Variants in LTBP4 observed in about 807,000 individuals in gnomAD.
The protein encoded by LTBP4 is latent transforming growth factor beta binding protein 4.
A neutral mutation model predicts 180.2 loss-of-function variants in LTBP4; 93 were observed. The observed-to-expected ratio is 0.52, with a 90% CI of 0.44 to 0.61. The LOEUF is 0.61. LTBP4 is among the 20% of genes least tolerant of loss of function. LTBP4 has a pLI of 0.00. For missense variants in LTBP4, 2,116 were observed against 2,256.5 expected, an observed-to-expected ratio of 0.94 and a Z score of 1.26; for synonymous variants, 947 against 934.5, an observed-to-expected ratio of 1.01 and a Z score of -0.24.
intron 1 of LTBP4, among the ~76,000 whole-genome samples, chr19:40,604,707 G>A (rs1411232986): frequency 2.0e-5 from 3 of 152,214 alleles, no homozygotes; most frequent in African/African-American, 7.2e-5. Context: ...GTAGCCCGAT[G>A]TGGTGCACGC....
Position 40,625,935 on chromosome 19 carries a change from C to T in LTBP4, c.3911C>T (p.Thr1304Ile). The T allele has an allele frequency of 6.2e-7, 1 of 1,606,356 alleles. No homozygotes were observed. Among genetic ancestry groups the T allele is most frequent in the Non-Finnish European group, 8.5e-7 (1 of 1,176,966 alleles). The change falls in exon 27 of 30, where the codon ACC becomes ATC. Residue 1304 changes from threonine (T) to isoleucine (I), a missense_variant. Thr to Ile is a moderately conservative substitution (Grantham distance 89). Around this residue, in one of 5 missense-constraint regions of LTBP4, gnomAD observed 488 missense variants for 458.8 expected, o/e 1.06. Coordinates refer to ENST00000396819, the MANE Select transcript of LTBP4 (RefSeq NM_001042545.2). ...CSHPRLDRQA[T>I]YTECCCLYGE... ...CACCCTCGGCTGGACCGTCAGGCCA[C>T]CTACACAGAGTGCTGCTGCCTGTAT... is the stretch of plus-strand genomic sequence containing the variant.
At chr19:40,598,627 G>T, upstream of LTBP4, 1 of 155,744 alleles carries the variant, frequency 6.4e-6, no homozygotes, top group Admixed American at 6.3e-5. Flanking sequence ...GGAAGGGCAA[G>T]AACGGGCTAG....
chr19:40,622,341 A>G lies in LTBP4; in HGVS notation c.3218-60A>G. ...TATGCCAGCCTCAGTTTCCCCATCT[A>G]TGATAGTGGCGGGGCTGGGGATTCA... On this transcript the variant is annotated intron_variant, in intron 22 of 29. Transcript: ENST00000396819. The surrounding 1 kb of genome is among the most constrained non-coding windows in gnomAD (Gnocchi z 5.1). 3.4e-6 allele frequency: 5 copies of G among 1,450,708 alleles called. No individual in the cohort carries two copies. The highest frequency in any genetic ancestry group is 2.7e-6 in the Non-Finnish European group (3 of 1,092,194). 89.9% of individuals were successfully genotyped at this position (1,450,708 alleles called of 1,614,324 possible).
At position 40,605,516 on chromosome 19, in the gene LTBP4, T is replaced by C; in HGVS notation, c.554T>C (p.Val185Ala). 1 of 1,609,130 alleles carries C rather than the reference T, an allele frequency of 6.2e-7. No homozygotes were observed. The highest frequency in any genetic ancestry group is 8.5e-7 in the Non-Finnish European group (1 of 1,178,576). Residue 185 changes from valine (V) to alanine (A), a missense_variant, in exon 3 of 30, where the codon GTG becomes GCG. By Grantham distance (64) the Val-to-Ala change is moderately conservative. Around this residue, in one of 5 missense-constraint regions of LTBP4, gnomAD observed 469 missense variants for 532.5 expected, o/e 0.88. Coordinates refer to ENST00000396819, the MANE Select transcript of LTBP4 (RefSeq NM_001042545.2). This position sits in a 1 kb window ranked among gnomAD's most constrained non-coding sequence, Gnocchi z 5.5. ...GPWEEADAEA[V>A]ARAEAAARAE... ...TGGGAGGAGGCGGACGCTGAGGCGG[T>C]GGCGCGGGCGGAAGCGGCGGCGCGG...
In LTBP4 at chr19:40,593,175, G is replaced by A. The variant is rs140587664; in HGVS notation, c.10G>A (p.Val4Ile). 29 of 1,613,852 alleles carry A rather than the reference G, an allele frequency of 1.8e-5. No homozygotes were observed. The African/African-American group carries it at 3.9e-4, about 22-fold the overall frequency. The change falls in exon 1 of 33, where the codon GTA (valine) becomes ATA (isoleucine). Residue 4 changes from valine to isoleucine, a missense_variant. Transcript: ENST00000204005. ...AGAATCTGGAACACAAATGGGAGAC[G>A]TAAAAGGTGAGTGCCTCTGAAACCG...
At chr19:40,617,050 G>A (rs1568410140) in intron 20 of LTBP4, 30 bp downstream of exon 20, 1 of 1,613,284 alleles carries the variant, frequency 6.2e-7, no homozygotes, top group Non-Finnish European at 8.5e-7. Flanking sequence ...CGGGTGAGAT[G>A]TGGAGATGGT....
Position 40,629,665 on chromosome 19 carries a change from G to A in LTBP4, c.*115G>A, listed in dbSNP as rs1025495182. 2.1e-5 allele frequency: 23 copies of A among 1,101,324 alleles called. No homozygotes were observed. The South Asian group carries it at 5.1e-4, about 24-fold the overall frequency. The allele number at this position is 1,101,324 out of a possible 1,614,324, so 68.2% of individuals were successfully genotyped here. A position where few individuals can be genotyped will look rare whatever the true frequency, so the allele number is the denominator to read the frequency against. ...GCCGCCCGCCTGGACCTGGAGAAGGGACCTACGGACGCCTGGAAGCTGCGA... is the reference window on the plus strand; with the variant it reads ...GCCGCCCGCCTGGACCTGGAGAAGGAACCTACGGACGCCTGGAAGCTGCGA... On this transcript the variant is annotated 3_prime_UTR_variant, in exon 30 of 30. Transcript: ENST00000396819. The surrounding 1 kb of genome is among the most constrained non-coding windows in gnomAD (Gnocchi z 4.5).
At position 40,621,132 on chromosome 19, in the gene LTBP4, G is replaced by A. The variant is rs559847187; in HGVS notation, c.3218-1269G>A. On this transcript the variant is annotated intron_variant, in intron 22 of 29. Transcript: ENST00000396819. ...AATTTTTTGTATTTTTAGTACAGACGGGGTTTCATCATATTGGTCAGGCTG... is the reference window on the plus strand; with the variant it reads ...AATTTTTTGTATTTTTAGTACAGACAGGGTTTCATCATATTGGTCAGGCTG... Among the ~76,000 whole-genome samples, 10 of 152,132 alleles carry A rather than the reference G, an allele frequency of 6.6e-5. No homozygotes were observed. The East Asian group carries it at 1.6e-3, about 24-fold the overall frequency.
At chr19:40,615,404 A>G (rs1262650885) in intron 19 of LTBP4, 2 of 152,230 alleles carry the variant, frequency 1.3e-5, no homozygotes, top group Non-Finnish European at 2.9e-5. Context: ...GAAATAAGTC[A>G]TATAAAAACC....
At chr19:40,625,252 TTATATATATA>T (rs71173663) in intron 26 of LTBP4, among the ~76,000 whole-genome samples, 36 of 43,992 alleles carry the variant, frequency 8.2e-4, no homozygotes, top group Non-Finnish European at 1.4e-3. Context: ...ATTTTTGTAT[TTATATATATA>T]TATATATATA....
rs757916071 is a variant in LTBP4 at position 40,613,091 on chromosome 19, C to G, written c.2326C>G (p.Pro776Ala). The change falls in exon 16 of 30, where the codon CCT becomes GCT. Residue 776 changes from proline (P) to alanine (A), a missense_variant. Physicochemically the swap from Pro to Ala is conservative, Grantham distance 27. Coordinates refer to ENST00000396819, the MANE Select transcript of LTBP4 (RefSeq NM_001042545.2). The surrounding 1 kb of genome is among the most constrained non-coding windows in gnomAD (Gnocchi z 5.0). Reference sequence around the variant, plus strand: ...TGTGGACGAATGCAGTTCGGGTGCCCCTCCCTGTGGTCCCCACGGCCACTG... The same window carrying G: ...TGTGGACGAATGCAGTTCGGGTGCCGCTCCCTGTGGTCCCCACGGCCACTG... ...TDVDECSSGA[P>A]PCGPHGHCTN... 51 of 1,611,256 alleles carry G rather than the reference C, an allele frequency of 3.2e-5. No individual in the cohort carries two copies. The highest frequency in any genetic ancestry group is 4.2e-5 in the Non-Finnish European group (50 of 1,178,854).
upstream of LTBP4, chr19:40,601,335 G>A (rs1011584115): frequency 7.0e-6 from 7 of 997,144 alleles, no homozygotes; most frequent in Non-Finnish European, 8.4e-6. Flanking sequence ...GGGTGCGGCC[G>A]GGCCCCTCGG....
At chr19:40,612,409 A>C (rs2081514548) in intron 15 of LTBP4, among the ~76,000 whole-genome samples, 1 of 151,746 alleles carries the variant, frequency 6.6e-6, no homozygotes, top group South Asian at 2.1e-4. Flanking sequence ...CCTAACCATC[A>C]CCCTTGATGA....
At position 40,609,426 on chromosome 19, in the gene LTBP4, C is replaced by A; in HGVS notation, c.1427-104C>A. On this transcript the variant is annotated intron_variant, in intron 9 of 29. Coordinates refer to ENST00000396819, the MANE Select transcript of LTBP4 (RefSeq NM_001042545.2). The surrounding 1 kb of genome is among the most constrained non-coding windows in gnomAD (Gnocchi z 4.9). ...CTGGGCTTGCTTGGGGAGGAGACATCCATGAAGGTGTTTTATGGATGTCTC... is the reference window on the plus strand; with the variant it reads ...CTGGGCTTGCTTGGGGAGGAGACATACATGAAGGTGTTTTATGGATGTCTC... The A allele has an allele frequency of 2.1e-6, 3 of 1,420,272 alleles. No homozygotes were observed. The highest frequency in any genetic ancestry group is 3.9e-5 in the Admixed American group (2 of 51,242). The allele number at this position is 1,420,272 out of a possible 1,614,324, so 88.0% of individuals were successfully genotyped here. A position where few individuals can be genotyped will look rare whatever the true frequency, so the allele number is the denominator to read the frequency against.
rs191202360 is a variant in LTBP4 at position 40,610,916 on chromosome 19, G to A, written c.1811-236G>A. On this transcript the variant is annotated intron_variant, in intron 12 of 29. Transcript: ENST00000396819. ...GATGGAGATGTCAGTAATCGGGTAAGGGGAGCAGAGTTATGGAGGAAAGGG... is the reference window on the plus strand; with the variant it reads ...GATGGAGATGTCAGTAATCGGGTAAAGGGAGCAGAGTTATGGAGGAAAGGG... 4.2e-4 allele frequency: 304 copies of A among 718,274 alleles called. 1 individual carries two copies. In the African/African-American group the frequency reaches 5.0e-3, roughly 12 times the overall value. The allele number at this position is 718,274 out of a possible 1,614,324, so 44.5% of individuals were successfully genotyped here. A position where few individuals can be genotyped will look rare whatever the true frequency, so the allele number is the denominator to read the frequency against.
chr19:40,610,299 C>G (rs1023749771), intron 11 of LTBP4: 11 of 562,620 alleles, frequency 2.0e-5, no homozygotes, highest in African/African-American at 1.9e-4. Context: ...GCCCCTACCC[C>G]ACCTTCCCTT....
intron 21 of LTBP4, among the ~76,000 whole-genome samples, chr19:40,617,503 A>C (rs1282022330): frequency 6.6e-6 from 1 of 152,034 alleles, no homozygotes; most frequent in Non-Finnish European, 1.5e-5. Flanking sequence ...AATTAGCCGG[A>C]TCTGGTGGCA....
chr19:40,602,474 G>A (rs1003683595), intron 1 of LTBP4, among the ~76,000 whole-genome samples: 1 of 152,044 alleles, frequency 6.6e-6, no homozygotes, highest in East Asian at 1.9e-4. Flanking sequence ...GGGGGCCCCT[G>A]GAGCGGAGAA....
Position 40,613,883 on chromosome 19 carries a change from GT to G in LTBP4, c.2558-32del. On this transcript the variant is annotated intron_variant, in intron 17 of 29. Coordinates refer to ENST00000396819, the MANE Select transcript of LTBP4 (RefSeq NM_001042545.2). The surrounding 1 kb of genome is among the most constrained non-coding windows in gnomAD (Gnocchi z 5.0). ...CCTAGAATGTTAGGCGGAGCGGGAGGTGGGCCGGGCCTTCGGACGCCCTGTC... is the reference window on the plus strand; with the variant it reads ...CCTAGAATGTTAGGCGGAGCGGGAGGGGGCCGGGCCTTCGGACGCCCTGTC... 1 of 1,612,848 alleles carries G rather than the reference GT, an allele frequency of 6.2e-7. No individual in the cohort carries two copies. The highest frequency in any genetic ancestry group is 8.5e-7 in the Non-Finnish European group (1 of 1,179,718).
Sources: gnomAD v4.1 joint callset for allele counts (sites outside exome capture counted in the v4.1 genomes callset) on GRCh38, gnomAD v4.1.1 for gene constraint, gnomAD v4.1.1 regional missense constraint, Gnocchi (gnomAD v3.1) non-coding constraint, MANE v1.5 for transcripts, NCBI Gene and HGNC (gene_info 2026-07-23, HGNC 2026-07-21) for gene names.